The following ZNF174 variants were observed in gnomAD, a reference collection of about 807,000 sequenced individuals.
The protein encoded by ZNF174 is zinc finger protein 174.
In ZNF174, 30 loss-of-function variants were observed where a neutral mutation model predicts 38.7. That is an observed-to-expected ratio of 0.78 (90% confidence interval 0.58 to 1.05). The LOEUF (loss-of-function observed/expected upper bound fraction) is 1.05, where lower values mean the gene tolerates loss of function less well. Ranked by LOEUF, ZNF174 falls within the 50% of genes least tolerant of loss-of-function variation. The pLI is 0.00. For synonymous variants in ZNF174, 201 were observed against 181.7 expected (o/e 1.11, Z -0.86); for missense variants, 499 against 495.6 (o/e 1.01, Z -0.06).
chr16:3,405,114 A>C, intron 2 of ZNF174: 1 of 1,445,804 alleles, frequency 6.9e-7, no homozygotes, highest in South Asian at 1.5e-5. Flanking sequence ...CTCTGGTGTG[A>C]TACTTGTGTA....
chr16:3,408,412 C>G lies in ZNF174; in HGVS notation c.717C>G (p.Ser239=). The G allele has an allele frequency of 6.2e-7, 1 of 1,614,056 alleles. No homozygotes were observed. The highest frequency in any genetic ancestry group is 1.1e-5 in the South Asian group (1 of 91,076). ...CATGTGCAGTGTCAGCTGGCAGATC[C>G]AAAGGGAATGGTCTGCAGAATCCTG... is the stretch of plus-strand genomic sequence containing the variant. ...AKPCAVSAGR[S]KGNGLQNPEP... is the part of the protein sequence containing the mutation. Residue 239 remains serine (S), a synonymous_variant, in exon 3 of 3, where the codon TCC becomes TCG. Coordinates refer to ENST00000268655, the MANE Select transcript of ZNF174 (RefSeq NM_003450.3).
intron 2 of ZNF174, among the ~76,000 whole-genome samples, chr16:3,406,354 C>A (rs910381769): frequency 3.9e-4 from 60 of 152,316 alleles, no homozygotes; most frequent in African/African-American, 1.4e-3. Flanking sequence ...CCATGTTTAA[C>A]TTATGAGGAA....
chr16:3,404,684 C>T, intron 2 of ZNF174, 36 bp downstream of exon 2: 6 of 1,610,418 alleles, frequency 3.7e-6, no homozygotes, highest in Non-Finnish European at 4.2e-6. Context: ...TCTCATCAGC[C>T]CTTTATCTCC....
In ZNF174 at chr16:3,404,613, T is replaced by C. The variant is rs200902778; in HGVS notation, c.590T>C (p.Leu197Pro). Residue 197 changes from leucine to proline, a missense_variant, in exon 2 of 3, where the codon CTC (leucine) becomes CCC (proline). Transcript: ENST00000268655. ...LSPHHWEKSP[L>P]LQEPTPKLAG... ...CCCCATCATTGGGAGAAATCCCCAC[T>C]CCTCCAAGAACCAACCCCCAAATTG... The C allele has an allele frequency of 9.5e-5, 154 of 1,614,178 alleles. 1 individual carries two copies. Among genetic ancestry groups the C allele is most frequent in the East Asian group, 4.5e-4 (20 of 44,884 alleles).
Position 3,401,995 on chromosome 16 carries a change from G to T in ZNF174, c.-10G>T. ...GTTTACAAGGAGAGAGTTGTCTCCT[G>T]ACGCCCAAAATGGCAGCTAAAATGG... On this transcript the variant is annotated 5_prime_UTR_variant, in exon 1 of 3. Transcript: ENST00000268655. 1 of 1,611,102 alleles carries T rather than the reference G, an allele frequency of 6.2e-7. No individual in the cohort carries two copies. The highest frequency in any genetic ancestry group is 2.2e-5 in the East Asian group (1 of 44,880).
At position 3,404,755 on chromosome 16, in the gene ZNF174, T is replaced by C. The variant is rs190107120; in HGVS notation, c.625+107T>C. 174 of 1,511,560 alleles carry C rather than the reference T, an allele frequency of 1.2e-4. No individual in the cohort carries two copies. In the African/African-American group the frequency reaches 2.1e-3, roughly 19 times the overall value. 93.6% of individuals were successfully genotyped at this position (1,511,560 alleles called of 1,614,324 possible). On this transcript the variant is annotated intron_variant, in intron 2 of 2. Transcript: ENST00000268655. The stretch of plus-strand genomic sequence containing the variant: ...CACATGTGTGTGTTTTTTTAAATGT[T>C]ATATATAATAGTAGATGATTATTCA...
intron 1 of ZNF174, 117 bp from the exon 2 acceptor site, chr16:3,404,309 T>C (rs1451802497): frequency 8.9e-6 from 9 of 1,014,890 alleles, no homozygotes; most frequent in African/African-American, 8.1e-5. Context: ...TCTATGAAAG[T>C]TGACCTCTAG....
chr16:3,402,512 G>T (rs373836535), intron 1 of ZNF174, 106 bp downstream of exon 1: 288 of 1,160,234 alleles, frequency 2.5e-4, no homozygotes, highest in Middle Eastern at 1.3e-3. Flanking sequence ...AGGCCCGAGT[G>T]CAGTGGCGCT....
rs866937285 is a variant in ZNF174, at chr16:3,402,156, G to A, written c.152G>A (p.Arg51His). 1 of 1,613,098 alleles carries A rather than the reference G, an allele frequency of 6.2e-7. No homozygotes were observed. Among genetic ancestry groups the A allele is most frequent in the Middle Eastern group, 1.7e-4 (1 of 6,058 alleles). ...DPELCRQSFR[R>H]FCYQEVSGPQ... ...GAGCTCTGCCGCCAGAGCTTCAGACGCTTTTGTTATCAAGAGGTGTCTGGA... is the reference window on the plus strand; with the variant it reads ...GAGCTCTGCCGCCAGAGCTTCAGACACTTTTGTTATCAAGAGGTGTCTGGA... Residue 51 changes from arginine to histidine, a missense_variant, in exon 1 of 3, where the codon CGC becomes CAC. Coordinates refer to ENST00000268655, the MANE Select transcript of ZNF174 (RefSeq NM_003450.3).
Position 3,404,901 on chromosome 16 carries a change from C to T in ZNF174, c.625+253C>T, listed in dbSNP as rs913068667. The T allele has an allele frequency of 8.7e-6, 14 of 1,612,984 alleles. No individual in the cohort carries two copies. The South Asian group carries it at 8.8e-5, about 10-fold the overall frequency. ...ACAGGGTTGTACCTACTTTTCTGTCCGTTTCAGAACTTCTTATAGAAAAGA... is the reference window on the plus strand; with the variant it reads ...ACAGGGTTGTACCTACTTTTCTGTCTGTTTCAGAACTTCTTATAGAAAAGA... On this transcript the variant is annotated intron_variant, in intron 2 of 2. Coordinates refer to ENST00000268655, the MANE Select transcript of ZNF174 (RefSeq NM_003450.3).
chr16:3,403,286 C>G (rs1045685344), intron 1 of ZNF174, among the ~76,000 whole-genome samples: 5 of 147,272 alleles, frequency 3.4e-5, no homozygotes, highest in Admixed American at 1.4e-4. Flanking sequence ...TCTCAGGTCT[C>G]AGCCTCCTGA....
chr16:3,404,860 A>G (rs1221266240), intron 2 of ZNF174: 1 of 1,595,728 alleles, frequency 6.3e-7, no homozygotes, highest in Admixed American at 1.8e-5. Flanking sequence ...ATGAAAATTT[A>G]AGAATCCAGT....
chr16:3,403,824 A>G (rs997223531), intron 1 of ZNF174, among the ~76,000 whole-genome samples: 1 of 152,170 alleles, frequency 6.6e-6, no homozygotes, highest in Non-Finnish European at 1.5e-5. Flanking sequence ...TTACAGTTCA[A>G]CTGGCCAGCG....
chr16:3,407,808 A>G (rs1217508068), intron 2 of ZNF174, among the ~76,000 whole-genome samples: 1 of 152,238 alleles, frequency 6.6e-6, no homozygotes, highest in Non-Finnish European at 1.5e-5. Flanking sequence ...GTAATGAAAG[A>G]AAACATCACA....
At chr16:3,407,143 G>A (rs943430380) in intron 2 of ZNF174, among the ~76,000 whole-genome samples, 4 of 152,106 alleles carry the variant, frequency 2.6e-5, no homozygotes, top group African/African-American at 9.7e-5. Context: ...GTCTGGCGAG[G>A]GCCCATTCCT....
chr16:3,409,291 T>C lies in ZNF174; in HGVS notation c.*372T>C, dbSNP rs1596259241. On this transcript the variant is annotated 3_prime_UTR_variant, in exon 3 of 3. Coordinates refer to ENST00000268655, the MANE Select transcript of ZNF174 (RefSeq NM_003450.3). ...GGGATAAATTCTATATATATAGTTA[T>C]GCATTTGCTGTCATACCAGACAATT... 2 of 182,986 alleles carry C rather than the reference T, an allele frequency of 1.1e-5. No homozygotes were observed. Among genetic ancestry groups the C allele is most frequent in the East Asian group, 1.4e-4 (1 of 7,340 alleles). The allele number at this position is 182,986 out of a possible 1,614,324, so 11.3% of individuals were successfully genotyped here.
At chr16:3,403,912 C>A (rs980285114) in intron 1 of ZNF174, among the ~76,000 whole-genome samples, 2 of 152,152 alleles carry the variant, frequency 1.3e-5, no homozygotes, top group African/African-American at 4.8e-5. Flanking sequence ...GCAGGTACTT[C>A]GGAAAATAGA....
chr16:3,403,203 T>A (rs117311573), intron 1 of ZNF174, among the ~76,000 whole-genome samples: 5,281 of 120,836 alleles, frequency 0.044, 173 homozygotes, highest in Middle Eastern at 0.08. Flanking sequence ...GGAGTCTTGC[T>A]GTGTTTCCCA....
At position 3,409,231 on chromosome 16, in the gene ZNF174, G is replaced by T; in HGVS notation, c.*312G>T. 1 of 319,132 alleles carries T rather than the reference G, an allele frequency of 3.1e-6. No homozygotes were observed. Among genetic ancestry groups the T allele is most frequent in the Non-Finnish European group, 5.8e-6 (1 of 172,812 alleles). 19.8% of individuals were successfully genotyped at this position (319,132 alleles called of 1,614,324 possible). On this transcript the variant is annotated 3_prime_UTR_variant, in exon 3 of 3. Transcript: ENST00000268655. The stretch of plus-strand genomic sequence containing the variant: ...CAGGTGGCCCGCTTACTGTTAAATC[G>T]TCCCTCTGTTGCTTTATCCTCTAAA...
Sources: allele counts gnomAD v4.1 joint callset (sites outside exome capture counted in the v4.1 genomes callset), GRCh38; gene constraint gnomAD v4.1.1; transcripts MANE v1.5; gene names NCBI Gene and HGNC (gene_info 2026-07-23, HGNC 2026-07-21).